LUC7L2: variants seen among roughly 807,000 people sequenced by gnomAD.
LUC7L2 encodes putative RNA-binding protein Luc7-like 2.
In LUC7L2, 25 loss-of-function variants were observed where a neutral mutation model predicts 52.8. That is an observed-to-expected ratio of 0.47 (90% confidence interval 0.34 to 0.66). LUC7L2 has a LOEUF of 0.66. LUC7L2 is among the 30% of genes least tolerant of loss of function. The pLI, the probability that LUC7L2 is intolerant of heterozygous loss-of-function variation, is 0.01. For missense variants in LUC7L2, 328 were observed against 497.8 expected, an observed-to-expected ratio of 0.66 and a Z score of 3.25; for synonymous variants, 144 against 160.9, an observed-to-expected ratio of 0.89 and a Z score of 0.80.
intron 1 of LUC7L2, among the ~76,000 whole-genome samples, chr7:139,350,177 A>G (rs902799640): frequency 2.0e-5 from 3 of 151,930 alleles, no homozygotes; most frequent in Admixed American, 2.0e-4. Flanking sequence ...GCTGGAGTGC[A>G]GTGGCGCGAT....
At chr7:139,410,689 CTTAAAT>C (rs1197629214) in intron 7 of LUC7L2, among the ~76,000 whole-genome samples, 1 of 152,116 alleles carries the variant, frequency 6.6e-6, no homozygotes, top group African/African-American at 2.4e-5. Context: ...ATTTAAATGT[CTTAAAT>C]TTAAATACCT....
intron 1 of LUC7L2, 67 bp from the exon 2 acceptor site, chr7:139,375,995 G>A: frequency 1.9e-6 from 3 of 1,539,510 alleles, no homozygotes; most frequent in Non-Finnish European, 2.7e-6. Flanking sequence ...GCTAGTAATA[G>A]TAGGGCTCTC....
At chr7:139,342,222 A>T (rs919353650) in intron 1 of LUC7L2, among the ~76,000 whole-genome samples, 2 of 152,152 alleles carry the variant, frequency 1.3e-5, no homozygotes, top group Admixed American at 6.5e-5. Context: ...CCACCTAAGG[A>T]GCCATACAGT....
At chr7:139,402,713 A>G (rs981021102) in intron 4 of LUC7L2, among the ~76,000 whole-genome samples, 1 of 152,102 alleles carries the variant, frequency 6.6e-6, no homozygotes, top group Non-Finnish European at 1.5e-5. Flanking sequence ...TAGCAGAGAC[A>G]GGGTTTTGCC....
chr7:139,382,341 C>G (rs188602797), intron 2 of LUC7L2, among the ~76,000 whole-genome samples: 5 of 151,988 alleles, frequency 3.3e-5, no homozygotes, highest in Admixed American at 1.3e-4. Flanking sequence ...TTGATATTGT[C>G]GTAGTCAATA....
At chr7:139,373,076 GTTCT>G (rs746376160) in intron 1 of LUC7L2, among the ~76,000 whole-genome samples, 6 of 152,144 alleles carry the variant, frequency 3.9e-5, no homozygotes, top group Non-Finnish European at 5.9e-5. Flanking sequence ...CCTATTTGCA[GTTCT>G]TTCTTCTTTT....
intron 7 of LUC7L2, 51 bp from the exon 8 acceptor site, chr7:139,412,500 G>A (rs777965858): frequency 6.4e-7 from 1 of 1,556,270 alleles, no homozygotes; most frequent in South Asian, 1.2e-5. Flanking sequence ...ACACTGCACT[G>A]TTTTCTTATT....
intron 1 of LUC7L2, chr7:139,345,368 T>G: frequency 1.5e-6 from 2 of 1,349,314 alleles, no homozygotes; most frequent in Non-Finnish European, 2.0e-6. Context: ...TAAGTATACA[T>G]GTATATACAT....
intron 2 of LUC7L2, among the ~76,000 whole-genome samples, chr7:139,386,375 A>G (rs1416183601): frequency 1.3e-5 from 2 of 150,432 alleles, no homozygotes; most frequent in African/African-American, 4.9e-5. Flanking sequence ...AATCTCTGTC[A>G]CTGGAAATAT....
chr7:139,353,981 T>A (rs967427690), intron 1 of LUC7L2, among the ~76,000 whole-genome samples: 1 of 151,784 alleles, frequency 6.6e-6, no homozygotes, highest in Non-Finnish European at 1.5e-5. Flanking sequence ...CTGGGCTTGG[T>A]GGCTGGCACT....
chr7:139,361,962 C>T (rs1045165325), intron 1 of LUC7L2, among the ~76,000 whole-genome samples: 9 of 152,076 alleles, frequency 5.9e-5, no homozygotes, highest in African/African-American at 2.2e-4. Flanking sequence ...CAAGGTAAAC[C>T]ATCTCCTGAT....
At chr7:139,363,094 A>G in intron 1 of LUC7L2, 1 of 333,264 alleles carries the variant, frequency 3.0e-6, no homozygotes, top group Non-Finnish European at 4.3e-6. Context: ...GGGCAGGGGG[A>G]CTGCCAGGAG....
intron 1 of LUC7L2, chr7:139,341,209 C>T: frequency 8.4e-7 from 1 of 1,185,034 alleles, no homozygotes; most frequent in Non-Finnish European, 1.1e-6. Flanking sequence ...TACGGCGCCC[C>T]TGGGCCTTCG....
intron 1 of LUC7L2, chr7:139,340,634 A>G (rs1798889112): frequency 5.0e-6 from 2 of 396,666 alleles, no homozygotes; most frequent in African/African-American, 2.1e-5. Context: ...GGCGAAAATG[A>G]AGTGACGATG....
At chr7:139,384,051 C>CCTG (rs547956627) in intron 2 of LUC7L2, among the ~76,000 whole-genome samples, 171 of 152,176 alleles carry the variant, frequency 1.1e-3, no homozygotes, top group African/African-American at 4.0e-3. Flanking sequence ...CTTGCCTGGC[C>CCTG]CTGGCCTGGA....
intron 2 of LUC7L2, 117 bp from the exon 3 acceptor site, chr7:139,398,482 C>G (rs966433453): frequency 1.4e-6 from 1 of 703,352 alleles, no homozygotes; most frequent in Non-Finnish European, 2.1e-6. Context: ...TTTGGAAGCC[C>G]CTACATAAAA....
chr7:139,341,608 A>T lies in LUC7L2; in HGVS notation c.-26+1091A>T, dbSNP rs546373889. The T allele has an allele frequency of 5.9e-6, 9 of 1,534,564 alleles. No individual in the cohort carries two copies. The South Asian group carries it at 8.5e-5, about 14-fold the overall frequency. On this transcript the variant is annotated intron_variant, in intron 1 of 10. Transcript: ENST00000541170. ...GCTAGGGTGGGGAGCACGGTGTTTA[A>T]TTCCTGCATTTCTGAGGCCAACCCT...
intron 1 of LUC7L2, among the ~76,000 whole-genome samples, chr7:139,342,611 C>T (rs1489664609): frequency 6.6e-6 from 1 of 152,122 alleles, no homozygotes; most frequent in Admixed American, 6.5e-5. Flanking sequence ...AGGCGACATG[C>T]GACACCACGC....
intron 2 of LUC7L2, among the ~76,000 whole-genome samples, chr7:139,387,760 CT>C (rs528269638): frequency 1.3e-5 from 2 of 151,610 alleles, no homozygotes; most frequent in Non-Finnish European, 2.9e-5. Flanking sequence ...TTTTCTTTTC[CT>C]TTTTTTTGGA....
Sources: gnomAD v4.1 joint callset for allele counts (sites outside exome capture counted in the v4.1 genomes callset) on GRCh38, gnomAD v4.1.1 for gene constraint, MANE v1.5 for transcripts, NCBI Gene and HGNC (gene_info 2026-07-23, HGNC 2026-07-21) for gene names.